Variants in PCDHA7 observed in about 807,000 individuals in gnomAD.
PCDHA7 encodes protocadherin alpha 7, also known as protocadherin alpha-7.
In PCDHA7, 37 loss-of-function variants were observed where a neutral mutation model predicts 57.2. The ratio of observed to expected loss-of-function variants is 0.65; its 90% CI spans 0.50 to 0.85. The LOEUF is 0.85. PCDHA7 is among the 40% of genes least tolerant of loss of function. The pLI is 0.00. For synonymous variants in PCDHA7, 553 were observed against 558.8 expected (o/e 0.99, Z 0.15); for missense variants, 1,188 against 1,241.8 (o/e 0.96, Z 0.65).
chr5:140,840,957 C>G (rs1381894939), intron 1 of PCDHA7, among the ~76,000 whole-genome samples: 3 of 151,928 alleles, frequency 2.0e-5, no homozygotes, highest in Non-Finnish European at 4.4e-5. Context: ...GGAAGAAATT[C>G]CTTTCCTTAT....
chr5:140,850,861 C>T, intron 1 of PCDHA7: 9 of 1,592,808 alleles, frequency 5.7e-6, no homozygotes, highest in Non-Finnish European at 6.9e-6. Flanking sequence ...ACGGGAGAAC[C>T]CTCTGCTTCC....
At chr5:140,952,705 T>C (rs2094784320) in intron 1 of PCDHA7, among the ~76,000 whole-genome samples, 1 of 152,160 alleles carries the variant, frequency 6.6e-6, no homozygotes, top group Non-Finnish European at 1.5e-5. Context: ...TATCCCACTC[T>C]CAGTATCAAT....
chr5:140,879,064 G>C (rs1389510074), intron 1 of PCDHA7, among the ~76,000 whole-genome samples: 1 of 152,214 alleles, frequency 6.6e-6, no homozygotes, highest in South Asian at 2.1e-4. Flanking sequence ...TACCAAGAAA[G>C]TGTTAAGAGA....
At chr5:140,969,473 A>C (rs562575347) in intron 1 of PCDHA7, 2 of 1,478,208 alleles carry the variant, frequency 1.4e-6, no homozygotes, top group South Asian at 2.8e-5. Context: ...CCACAATTTG[A>C]TCATAATCTG....
chr5:140,965,493 C>A (rs1214376252), intron 1 of PCDHA7, among the ~76,000 whole-genome samples: 1 of 147,046 alleles, frequency 6.8e-6, no homozygotes, highest in African/African-American at 2.5e-5. Flanking sequence ...TTAATGACAG[C>A]AGATTTTTTT....
chr5:141,009,339 G>A (rs1328874922), intron 3 of PCDHA7, among the ~76,000 whole-genome samples: 13 of 152,168 alleles, frequency 8.5e-5, no homozygotes, highest in African/African-American at 3.1e-4. Context: ...TGTGCCTGTA[G>A]TTCCAGCTAC....
rs116326633 is a variant in PCDHA7 at position 141,003,488 on chromosome 5, G to A, written c.2504-6139G>A. Reference sequence around the variant, plus strand: ...CACCACAGTCTCGCTAATTTTTATAGTTTTAGTAGAGATGGGGTTTCACCA... The same window carrying A: ...CACCACAGTCTCGCTAATTTTTATAATTTTAGTAGAGATGGGGTTTCACCA... On this transcript the variant is annotated intron_variant, in intron 3 of 3. Transcript: ENST00000525929. 8.1e-3 allele frequency among the ~76,000 whole-genome samples: 1,225 copies of A among 152,062 alleles called. 19 individuals are homozygous for A. The highest frequency in any genetic ancestry group is 0.028 in the African/African-American group (1,155 of 41,502).
At chr5:140,926,938 G>C in intron 1 of PCDHA7, 1 of 1,581,492 alleles carries the variant, frequency 6.3e-7, no homozygotes. Context: ...GGTTTCCTGC[G>C]GCGCTGCAGC....
Position 140,834,498 on chromosome 5 carries a change from G to T in PCDHA7, c.115G>T (p.Ala39Ser). 6.2e-7 allele frequency: 1 copy of T among 1,614,130 alleles called. No homozygotes were observed. The highest frequency in any genetic ancestry group is 8.5e-7 in the Non-Finnish European group (1 of 1,180,038). Residue 39 changes from alanine to serine, a missense_variant, in exon 1 of 4, where the codon GCT (alanine) becomes TCT (serine). Ala to Ser is a moderately conservative substitution (Grantham distance 99). Around this residue, in one of 3 missense-constraint regions of PCDHA7, gnomAD observed 194 missense variants for 185.8 expected, o/e 1.04. Transcript: ENST00000525929. ...GQLHYSVPEE[A>S]KHGNFVGRIA... ...GCTCCACTACTCGGTCCCCGAGGAG[G>T]CTAAACATGGCAACTTCGTGGGCCG...
intron 1 of PCDHA7, chr5:140,928,768 C>G: frequency 1.2e-6 from 2 of 1,614,136 alleles, no homozygotes; most frequent in Non-Finnish European, 1.7e-6. Context: ...CTTAGTTCTT[C>G]CCACTGATGC....
chr5:140,987,165 G>A lies in PCDHA7; in HGVS notation c.2503+4602G>A, dbSNP rs191129148. Among the ~76,000 whole-genome samples, 1,195 of 151,202 alleles carry A rather than the reference G, an allele frequency of 7.9e-3. 19 individuals are homozygous for A. The highest frequency in any genetic ancestry group is 0.027 in the African/African-American group (1,126 of 41,156). On this transcript the variant is annotated intron_variant, in intron 3 of 3. Transcript: ENST00000525929. ...GGAGGTGGAGGTTGCAGTGAGCTGA[G>A]ATTGCACCACTGCACTCCAGCCTGG...
chr5:140,895,733 G>C (rs1554186620), intron 1 of PCDHA7, among the ~76,000 whole-genome samples: 1 of 152,030 alleles, frequency 6.6e-6, no homozygotes, highest in Non-Finnish European at 1.5e-5. Context: ...CCATTCAATG[G>C]GCTGCAAAGG....
intron 3 of PCDHA7, among the ~76,000 whole-genome samples, chr5:140,988,083 G>A (rs957131929): frequency 1.3e-5 from 2 of 152,292 alleles, no homozygotes; most frequent in Middle Eastern, 3.4e-3. Context: ...TCATGAGTGA[G>A]TGCAGCCTCG....
At chr5:140,927,189 G>T in intron 1 of PCDHA7, 1 of 1,614,150 alleles carries the variant, frequency 6.2e-7, no homozygotes. Flanking sequence ...CCTACGACCT[G>T]GTGCTCGAGG....
intron 1 of PCDHA7, among the ~76,000 whole-genome samples, chr5:140,935,913 GACAGATTC>G (rs1178474379): frequency 8.0e-6 from 1 of 125,106 alleles, no homozygotes; most frequent in Admixed American, 8.3e-5. Context: ...TTTTTTTTGA[GACAGATTC>G]TCATTCTGTT....
intron 1 of PCDHA7, among the ~76,000 whole-genome samples, chr5:140,924,643 C>G (rs2081929149): frequency 1.3e-5 from 2 of 152,196 alleles, no homozygotes; most frequent in Admixed American, 1.3e-4. Flanking sequence ...ACCTGTAATC[C>G]CAGCACTTTG....
At chr5:140,911,775 C>T (rs1341124275) in intron 1 of PCDHA7, among the ~76,000 whole-genome samples, 1 of 152,096 alleles carries the variant, frequency 6.6e-6, no homozygotes, top group African/African-American at 2.4e-5. Context: ...AAGTACAGTC[C>T]TTAGCATTTT....
intron 1 of PCDHA7, chr5:140,858,619 C>T: frequency 8.6e-7 from 1 of 1,161,702 alleles, no homozygotes; most frequent in Non-Finnish European, 1.2e-6. Context: ...TTTATCCTAC[C>T]CAGTGTGTCA....
chr5:140,843,468 T>C, intron 1 of PCDHA7: 2 of 1,595,998 alleles, frequency 1.3e-6, no homozygotes, highest in Non-Finnish European at 1.7e-6. Flanking sequence ...CTCACGCTGC[T>C]GCTGTACACT....
Sources: allele counts gnomAD v4.1 joint callset (sites outside exome capture counted in the v4.1 genomes callset), GRCh38; gene constraint gnomAD v4.1.1; regional missense constraint gnomAD v4.1.1; transcripts MANE v1.5; gene names NCBI Gene and HGNC (gene_info 2026-07-23, HGNC 2026-07-21).